Variants in WDR93 observed in about 807,000 individuals in gnomAD.
WDR93 encodes WD repeat-containing protein 93.
A neutral mutation model predicts 82.9 loss-of-function variants in WDR93; 73 were observed. The ratio of observed to expected loss-of-function variants is 0.88; its 90% CI spans 0.73 to 1.07. The LOEUF is 1.07. Ranked by LOEUF, WDR93 falls within the 50% of genes least tolerant of loss-of-function variation. The pLI, the probability that WDR93 is intolerant of heterozygous loss-of-function variation, is 0.00. For synonymous variants in WDR93, 283 were observed against 300.1 expected (o/e 0.94, Z 0.59); for missense variants, 738 against 826.0 (o/e 0.89, Z 1.31).
chr15:89,726,509 T>G (rs1055899482), intron 8 of WDR93, among the ~76,000 whole-genome samples: 2 of 152,204 alleles, frequency 1.3e-5, no homozygotes, highest in Admixed American at 6.5e-5. Context: ...CTGGGCAACT[T>G]GAGGGACGCA....
At chr15:89,691,577 G>T (rs1964885556) in intron 1 of WDR93, among the ~76,000 whole-genome samples, 1 of 152,132 alleles carries the variant, frequency 6.6e-6, no homozygotes, top group Non-Finnish European at 1.5e-5. Flanking sequence ...AAAAGTAGCC[G>T]GGCGTGGTGG....
At chr15:89,732,179 T>C (rs1966867338) in intron 12 of WDR93, among the ~76,000 whole-genome samples, 1 of 152,230 alleles carries the variant, frequency 6.6e-6, no homozygotes, top group Admixed American at 6.5e-5. Context: ...AGGCCAGTAA[T>C]GACTCAGTGG....
chr15:89,697,972 T>C (rs1362865484), intron 1 of WDR93, among the ~76,000 whole-genome samples: 3 of 151,120 alleles, frequency 2.0e-5, no homozygotes, highest in East Asian at 3.9e-4. Flanking sequence ...CTCCGCCTCC[T>C]GGGTTCACGC....
At chr15:89,699,043 A>G (rs1307347799) in intron 1 of WDR93, among the ~76,000 whole-genome samples, 1 of 151,958 alleles carries the variant, frequency 6.6e-6, no homozygotes, top group Non-Finnish European at 1.5e-5. Context: ...AATTTTTTTT[A>G]TAGAATAAAG....
At chr15:89,740,801 C>A (rs1161521052) in intron 16 of WDR93, among the ~76,000 whole-genome samples, 1 of 152,058 alleles carries the variant, frequency 6.6e-6, no homozygotes, top group Non-Finnish European at 1.5e-5. Context: ...CACGCCTGGC[C>A]TGATTTTATT....
chr15:89,729,348 C>T (rs954611426), intron 10 of WDR93, among the ~76,000 whole-genome samples: 3 of 152,106 alleles, frequency 2.0e-5, no homozygotes, highest in African/African-American at 4.8e-5. Context: ...CCCACATCCA[C>T]CGGGCTGCTT....
At chr15:89,721,726 G>A (rs969495553) in intron 7 of WDR93, among the ~76,000 whole-genome samples, 1 of 152,082 alleles carries the variant, frequency 6.6e-6, no homozygotes, top group African/African-American at 2.4e-5. Context: ...CTGGCCTCAA[G>A]CGTTCTTCCC....
At chr15:89,702,094 G>A in intron 2 of WDR93, 45 bp downstream of exon 2, 2 of 1,546,948 alleles carry the variant, frequency 1.3e-6, no homozygotes, top group Non-Finnish European at 8.7e-7. Context: ...TCTCAGTTGA[G>A]TGTTAATAAA....
intron 4 of WDR93, among the ~76,000 whole-genome samples, chr15:89,706,509 C>G (rs1965735773): frequency 6.6e-6 from 1 of 151,918 alleles, no homozygotes; most frequent in Non-Finnish European, 1.5e-5. Context: ...CAAGGCAATT[C>G]AGTGGGGGCC....
intron 13 of WDR93, among the ~76,000 whole-genome samples, chr15:89,733,589 T>G (rs1215518912): frequency 1.3e-5 from 2 of 152,268 alleles, no homozygotes; most frequent in Middle Eastern, 3.4e-3. Context: ...AATGGATTAA[T>G]GGGTATCATG....
chr15:89,717,927 C>T (rs1240129616), intron 7 of WDR93, among the ~76,000 whole-genome samples: 2 of 152,110 alleles, frequency 1.3e-5, no homozygotes, highest in Admixed American at 6.5e-5. Flanking sequence ...TCCTCTGAGA[C>T]CAGGAACATA....
intron 7 of WDR93, among the ~76,000 whole-genome samples, chr15:89,721,770 G>A (rs1966538691): frequency 6.6e-6 from 1 of 151,696 alleles, no homozygotes; most frequent in African/African-American, 2.4e-5. Flanking sequence ...GACTACAAGT[G>A]TGTCACCATG....
intron 15 of WDR93, 109 bp downstream of exon 15, chr15:89,737,838 C>T (rs1967333559): frequency 6.7e-7 from 1 of 1,490,152 alleles, no homozygotes; most frequent in Non-Finnish European, 9.1e-7. Flanking sequence ...TCCCCCTCTA[C>T]CATAGGCCAA....
intron 16 of WDR93, 150 bp from the exon 17 acceptor site, chr15:89,743,142 C>T: frequency 1.4e-6 from 1 of 704,708 alleles, no homozygotes; most frequent in Non-Finnish European, 2.4e-6. Context: ...CTGCTGTGTA[C>T]CAGGCTGAGC....
chr15:89,714,523 A>G (rs1966153140), intron 5 of WDR93, among the ~76,000 whole-genome samples: 1 of 152,038 alleles, frequency 6.6e-6, no homozygotes, highest in South Asian at 2.1e-4. Flanking sequence ...ATGGGGTTTC[A>G]CCATGTTGGC....
upstream of WDR93, chr15:89,690,500 T>A: frequency 9.0e-7 from 1 of 1,114,426 alleles, no homozygotes; most frequent in Non-Finnish European, 1.3e-6. Flanking sequence ...CACCTCCTTT[T>A]TCCCGGGTGC....
At chr15:89,702,284 A>C (rs1334154457) in intron 2 of WDR93, among the ~76,000 whole-genome samples, 1 of 152,180 alleles carries the variant, frequency 6.6e-6, no homozygotes, top group Non-Finnish European at 1.5e-5. Flanking sequence ...GTTGTTACTG[A>C]AAAATCTTCT....
At chr15:89,717,047 T>TTTC in intron 7 of WDR93, 98 bp downstream of exon 7, 2 of 323,656 alleles carry the variant, frequency 6.2e-6, no homozygotes, top group South Asian at 1.6e-4. Context: ...TTTTCTTTCT[T>TTTC]TTTTTTTTTT....
At chr15:89,690,669 C>A (rs1964820737), upstream of WDR93, 2 of 1,510,230 alleles carry the variant, frequency 1.3e-6, no homozygotes, top group African/African-American at 1.4e-5. Context: ...GCACGGGGCT[C>A]AGGCGTGGGT....
Sources: allele counts gnomAD v4.1 joint callset (sites outside exome capture counted in the v4.1 genomes callset), GRCh38; gene constraint gnomAD v4.1.1; transcripts MANE v1.5; gene names NCBI Gene and HGNC (gene_info 2026-07-23, HGNC 2026-07-21).